The following CCDC3 variants were observed in gnomAD, a reference collection of about 807,000 sequenced individuals.
CCDC3 encodes coiled-coil domain containing 3, also known as coiled-coil domain-containing protein 3.
CCDC3 carries 24 observed loss-of-function variants against 21.4 expected under a neutral mutation model. The ratio of observed to expected loss-of-function variants is 1.12; its 90% CI spans 0.81 to 1.58. CCDC3 has a LOEUF of 1.58. CCDC3 is among the 40% of genes most tolerant of loss of function. CCDC3 has a pLI of 0.00. For missense variants in CCDC3, 425 were observed against 360.9 expected, an observed-to-expected ratio of 1.18 and a Z score of -1.44; for synonymous variants, 186 against 166.0, an observed-to-expected ratio of 1.12 and a Z score of -0.93.
At chr10:13,090,038 T>TAGATAGATAGATAGATAG (rs1564345301) in intron 3 of CCDC3, among the ~76,000 whole-genome samples, 70 of 1,446 alleles carry the variant, frequency 0.048, no homozygotes, top group African/African-American at 0.052. Context: ...CCGTTAGATA[T>TAGATAGATAGATAGATAG]ATATATATAT....
At chr10:13,059,664 T>G (rs943850740) in intron 4 of CCDC3, among the ~76,000 whole-genome samples, 1 of 152,056 alleles carries the variant, frequency 6.6e-6, no homozygotes, top group Non-Finnish European at 1.5e-5. Context: ...TTTCTGCCAT[T>G]TCACTTCATG....
In CCDC3 at chr10:13,061,147, T is replaced by C. The variant is rs545046747; in HGVS notation, c.-269-11206A>G. ...AATGAGAGGACAGTTGTGATTGTGT[T>C]ATAAAACCCAAGCAAGTAGGAATGA... is the stretch of plus-strand genomic sequence containing the variant. On this transcript the variant is annotated intron_variant, in intron 4 of 6. Coordinates refer to the CCDC3 transcript ENST00000378839. 6.6e-5 allele frequency among the ~76,000 whole-genome samples: 10 copies of C among 152,336 alleles called. No homozygotes were observed. In the South Asian group the frequency reaches 1.9e-3, roughly 28 times the overall value.
intron 5 of CCDC3, among the ~76,000 whole-genome samples, chr10:13,036,905 G>A (rs1836384604): frequency 6.6e-6 from 1 of 151,634 alleles, no homozygotes; most frequent in African/African-American, 2.4e-5. Context: ...TCAGTATCCA[G>A]CATAGCTAGG....
At chr10:13,039,495 T>C (rs1002597379) in intron 5 of CCDC3, among the ~76,000 whole-genome samples, 1 of 152,110 alleles carries the variant, frequency 6.6e-6, no homozygotes, top group Non-Finnish European at 1.5e-5. Context: ...CTGGAATTGA[T>C]AGTGCTTTGA....
intron 2 of CCDC3, among the ~76,000 whole-genome samples, chr10:12,965,260 T>C (rs1018839240): frequency 6.6e-6 from 1 of 152,224 alleles, no homozygotes; most frequent in Admixed American, 6.5e-5. Flanking sequence ...TTTTTTCCTA[T>C]GATGTCCCTG....
At chr10:13,019,106 C>A (rs573817528) in intron 5 of CCDC3, among the ~76,000 whole-genome samples, 1 of 152,034 alleles carries the variant, frequency 6.6e-6, no homozygotes, top group Non-Finnish European at 1.5e-5. Context: ...TGGTGGCAGG[C>A]TCCTGTAGTC....
chr10:13,065,489 A>C (rs1369418447), intron 4 of CCDC3, among the ~76,000 whole-genome samples: 2 of 152,206 alleles, frequency 1.3e-5, no homozygotes, highest in Non-Finnish European at 2.9e-5. Flanking sequence ...GAAGGTAGTT[A>C]ATGAGATTAT....
intron 3 of CCDC3, among the ~76,000 whole-genome samples, chr10:13,083,605 G>C (rs897833196): frequency 2.0e-5 from 3 of 152,204 alleles, no homozygotes; most frequent in Admixed American, 1.3e-4. Flanking sequence ...CTGTGCTGGA[G>C]GTGCTCACAG....
intron 2 of CCDC3, among the ~76,000 whole-genome samples, chr10:12,960,168 AAC>A (rs10626900): frequency 2.0e-5 from 3 of 148,746 alleles, no homozygotes; most frequent in East Asian, 2.0e-4. Flanking sequence ...ACACACACAC[AAC>A]ACACACACAC....
chr10:12,936,263 AT>A (rs1054260165), intron 2 of CCDC3, among the ~76,000 whole-genome samples: 1 of 151,778 alleles, frequency 6.6e-6, no homozygotes, highest in Non-Finnish European at 1.5e-5. Flanking sequence ...CACTTTAAAT[AT>A]TTTTTTCTCC....
intron 3 of CCDC3, among the ~76,000 whole-genome samples, chr10:13,090,468 T>TA (rs1832552234): frequency 6.6e-6 from 1 of 152,222 alleles, no homozygotes; most frequent in African/African-American, 2.4e-5. Flanking sequence ...TGTGCTAGAA[T>TA]TCAGCCCTTT....
At chr10:12,972,723 A>G (rs1835361178) in intron 2 of CCDC3, among the ~76,000 whole-genome samples, 1 of 152,144 alleles carries the variant, frequency 6.6e-6, no homozygotes, top group Admixed American at 6.5e-5. Flanking sequence ...AGGCTGAGAC[A>G]TGAGAATCTC....
chr10:13,036,875 G>A (rs1305074524), intron 5 of CCDC3, among the ~76,000 whole-genome samples: 1 of 151,518 alleles, frequency 6.6e-6, no homozygotes, highest in Non-Finnish European at 1.5e-5. Context: ...GACTTCCCAG[G>A]CTCAAGCAAT....
intron 5 of CCDC3, among the ~76,000 whole-genome samples, chr10:13,016,393 G>C (rs1211320832): frequency 6.7e-6 from 1 of 149,926 alleles, no homozygotes; most frequent in African/African-American, 2.4e-5. Flanking sequence ...TACAGGGAAT[G>C]GGCCCAGGAA....
At chr10:13,048,490 C>T (rs1256681172) in intron 5 of CCDC3, among the ~76,000 whole-genome samples, 1 of 152,138 alleles carries the variant, frequency 6.6e-6, no homozygotes, top group Non-Finnish European at 1.5e-5. Context: ...CTGCACCTGG[C>T]CAGGGTCCCA....
At chr10:12,903,351 GTTTC>G (rs1834122773) in intron 2 of CCDC3, among the ~76,000 whole-genome samples, 2 of 152,288 alleles carry the variant, frequency 1.3e-5, no homozygotes, top group East Asian at 1.9e-4. Flanking sequence ...CAAAATGTGT[GTTTC>G]TTTAAGAAAT....
intron 5 of CCDC3, among the ~76,000 whole-genome samples, chr10:13,048,358 A>AT (rs201335697): frequency 0.053 from 8,106 of 151,784 alleles, 268 homozygotes; most frequent in East Asian, 0.11. Flanking sequence ...CACCTGGCTA[A>AT]TTTTTTTGTA....
chr10:12,986,636 T>C (rs889155249), intron 2 of CCDC3, among the ~76,000 whole-genome samples: 10 of 151,726 alleles, frequency 6.6e-5, no homozygotes, highest in South Asian at 2.1e-4. Context: ...TAGCTGGGCG[T>C]GGTGGCGGAC....
At chr10:13,065,329 T>C (rs1220644346) in intron 4 of CCDC3, among the ~76,000 whole-genome samples, 3 of 152,158 alleles carry the variant, frequency 2.0e-5, no homozygotes, top group African/African-American at 4.8e-5. Context: ...AGAAAAGCAA[T>C]ACCATATAAA....
Sources: gnomAD v4.1 joint callset for allele counts (sites outside exome capture counted in the v4.1 genomes callset) on GRCh38, gnomAD v4.1.1 for gene constraint, MANE v1.5 for transcripts, NCBI Gene and HGNC (gene_info 2026-07-23, HGNC 2026-07-21) for gene names.